The following MAGED2 variants were observed in gnomAD, a reference collection of about 807,000 sequenced individuals.
MAGED2 encodes melanoma-associated antigen D2.
Under a neutral mutation model 41.7 loss-of-function variants are expected in MAGED2, and 6 were observed. That is an observed-to-expected ratio of 0.14 (90% confidence interval 0.08 to 0.28). MAGED2 has a LOEUF of 0.28. Among genes scored for constraint, MAGED2 ranks in the 10% least tolerant of loss-of-function variants. MAGED2 has a pLI of 1.00. For synonymous variants in MAGED2, 146 were observed against 178.2 expected (o/e 0.82, Z 1.44); for missense variants, 343 against 486.4 (o/e 0.71, Z 2.77).
chrX:54,808,414 G>C (rs1929681792), intron 1 of MAGED2: 1 of 111,730 alleles, frequency 9.0e-6, no homozygotes, highest in Non-Finnish European at 1.9e-5. Context: ...GGACGCACTC[G>C]GGAATTGTAG....
chrX:54,814,814 A>C (rs1362979243), intron 11 of MAGED2, 39 bp downstream of exon 11: 2 of 1,053,314 alleles, frequency 1.9e-6, no homozygotes, highest in Non-Finnish European at 2.7e-6. Flanking sequence ...AGTCAAGAGC[A>C]TGGGGTGCCC....
chrX:54,812,936 T>C lies in MAGED2; in HGVS notation c.1086-9T>C, dbSNP rs979134058. ...GAACATAAACCTCTCTGTCCTGTTA[T>C]TTCTCTAGGACTAAGGACTCACCCA... On this transcript the variant is annotated splice_polypyrimidine_tract_variant and intron_variant, in intron 7 of 12. Transcript: ENST00000375068. The C allele has an allele frequency of 8.4e-7, 1 of 1,190,576 alleles. No homozygotes were observed.
chrX:54,809,626 G>A, intron 2 of MAGED2, 96 bp from the exon 3 acceptor site: 1 of 1,135,160 alleles, frequency 8.8e-7, no homozygotes, highest in Non-Finnish European at 1.2e-6. Context: ...GTAGGAGTCA[G>A]TACAGGTCAG....
intron 7 of MAGED2, 77 bp downstream of exon 7, chrX:54,812,328 C>A (rs1297231980): frequency 1.2e-5 from 7 of 606,930 alleles, no homozygotes; most frequent in Admixed American, 6.4e-5. Flanking sequence ...GTCCTACTTC[C>A]CCCATCCTCT....
At chrX:54,814,829 C>T in intron 11 of MAGED2, 54 bp downstream of exon 11, 2 of 906,576 alleles carry the variant, frequency 2.2e-6, no homozygotes, top group East Asian at 3.1e-5. Context: ...GTGCCCCTGG[C>T]TGGGGCAGGC....
At position 54,815,949 on chromosome X, in the gene MAGED2, A is replaced by T. The variant is rs1929958122; in HGVS notation, c.*77A>T. 3.2e-6 allele frequency: 1 copy of T among 316,699 alleles called. No individual in the cohort carries two copies. Among genetic ancestry groups the T allele is most frequent in the South Asian group, 1.1e-4 (1 of 9,171 alleles). 26.1% of individuals were successfully genotyped at this position (316,699 alleles called of 1,213,427 possible). On this transcript the variant is annotated 3_prime_UTR_variant, in exon 13 of 13. Transcript: ENST00000375068. Reference sequence around the variant, plus strand: ...TCCTCAGAAACCTACTCAACACAGCACTCTAGGCAGCCACTATCAATCAAT... The same window carrying T: ...TCCTCAGAAACCTACTCAACACAGCTCTCTAGGCAGCCACTATCAATCAAT...
At chrX:54,814,501 CTA>C in intron 10 of MAGED2, 158 bp from the exon 11 acceptor site, 1 of 553,862 alleles carries the variant, frequency 1.8e-6, no homozygotes, top group Non-Finnish European at 3.3e-6. Context: ...CCCAACACCT[CTA>C]TGTGGCTTCT....
At chrX:54,808,986 G>A (rs1929707709) in intron 1 of MAGED2, 1 of 309,053 alleles carries the variant, frequency 3.2e-6, no homozygotes, top group African/African-American at 2.7e-5. Flanking sequence ...CTGGGAAAGC[G>A]GGCGGGGCTG....
At chrX:54,814,200 ACACT>A (rs1445638347) in intron 10 of MAGED2, among the ~76,000 whole-genome samples, 1 of 112,538 alleles carries the variant, frequency 8.9e-6, no homozygotes, top group South Asian at 3.6e-4. Flanking sequence ...GGACATGCAA[ACACT>A]CACACAGCCA....
intron 1 of MAGED2, among the ~76,000 whole-genome samples, chrX:54,808,631 G>C (rs1438389465): frequency 9.0e-6 from 1 of 111,049 alleles, no homozygotes; most frequent in African/African-American, 3.3e-5. Flanking sequence ...GGTGTAATAG[G>C]GAAGGGGCGG....
At chrX:54,814,217 C>T (rs1052101244) in intron 10 of MAGED2, among the ~76,000 whole-genome samples, 5 of 112,360 alleles carry the variant, frequency 4.4e-5, no homozygotes, top group Non-Finnish European at 9.4e-5. Flanking sequence ...CACAGCCACA[C>T]GCATGTGCAC....
intron 10 of MAGED2, among the ~76,000 whole-genome samples, chrX:54,813,926 C>A (rs1209965980): frequency 8.9e-6 from 1 of 112,506 alleles, no homozygotes; most frequent in Non-Finnish European, 1.9e-5. Context: ...ATTCTGCTAA[C>A]TAGAGCTTCA....
Position 54,812,161 on chromosome X carries a change from T to A in MAGED2, c.995T>A (p.Phe332Tyr). 8.6e-7 allele frequency: 1 copy of A among 1,166,359 alleles called. No homozygotes were observed. The highest frequency in any genetic ancestry group is 1.2e-6 in the Non-Finnish European group (1 of 855,628). Residue 332 changes from phenylalanine to tyrosine, a missense_variant, in exon 7 of 13, where the codon TTT becomes TAT. Around this residue, in one of 3 missense-constraint regions of MAGED2, gnomAD observed 95 missense variants for 204.8 expected, o/e 0.46. Coordinates refer to ENST00000375068, the MANE Select transcript of MAGED2 (RefSeq NM_177433.3). Reference protein sequence around the residue: ...ERAGYSLEKVFGIQLKEIDKN... With the variant: ...ERAGYSLEKVYGIQLKEIDKN... ...AGCTGTTCTCCCCATCCACAGGTAT[T>A]TGGGATTCAATTGAAGGAAATTGAT...
At position 54,812,250 on chromosome X, in the gene MAGED2, A is replaced by T; in HGVS notation, c.1084A>T (p.Thr362Ser). 1 of 1,171,111 alleles carries T rather than the reference A, an allele frequency of 8.5e-7. No individual in the cohort carries two copies. The highest frequency in any genetic ancestry group is 1.9e-5 in the South Asian group (1 of 53,206). The change falls in exon 7 of 13, where the codon ACG (threonine) becomes TCG (serine). Residue 362 changes from threonine to serine, a missense_variant and splice_region_variant. Thr to Ser is a moderately conservative substitution (Grantham distance 58). This residue lies in a region of MAGED2 where 95 missense variants were observed against 204.8 expected (regional missense o/e 0.46). Coordinates refer to ENST00000375068, the MANE Select transcript of MAGED2 (RefSeq NM_177433.3). ...GCCCACTGATGCAGGCATACTGGGA[A>T]CGTAAGCTGGGAAAGGGCTGAGGTG... The part of the protein sequence containing the change: ...LEPTDAGILG[T>S]TKDSPKLGLL...
rs780707837 is a variant in MAGED2, at chrX:54,811,012, C to T, written c.729C>T (p.Leu243=). The T allele has an allele frequency of 2.5e-6, 3 of 1,200,743 alleles. No homozygotes were observed. The highest frequency in any genetic ancestry group is 3.4e-6 in the Non-Finnish European group (3 of 889,504). Residue 243 remains leucine, a synonymous_variant, in exon 4 of 13, where the codon CTC becomes CTT. Coordinates refer to ENST00000375068, the MANE Select transcript of MAGED2 (RefSeq NM_177433.3). ...RLAAWARRAL[L]SLRSPKARRG... is the part of the protein sequence containing the mutation. ...CTGCTTGGGCCCGGAGAGCCTTGCT[C>T]TCCCTGAGATCACCTAAAGCCCGTA... is the stretch of plus-strand genomic sequence containing the variant.
intron 1 of MAGED2, among the ~76,000 whole-genome samples, chrX:54,808,112 G>T (rs144084956): frequency 9.0e-6 from 1 of 111,124 alleles, no homozygotes; most frequent in Non-Finnish European, 1.9e-5. Context: ...CGGGGATGCA[G>T]AGAGGGATTA....
intron 6 of MAGED2, 80 bp downstream of exon 6, chrX:54,811,733 C>G (rs1929812975): frequency 2.8e-6 from 2 of 705,294 alleles, no homozygotes; most frequent in Admixed American, 5.2e-5. Flanking sequence ...TTCTCGGGAA[C>G]CAAAGAGACC....
At chrX:54,811,155 G>C (rs370697611) in intron 4 of MAGED2, 26 bp downstream of exon 4, 16 of 1,193,519 alleles carry the variant, frequency 1.3e-5, no homozygotes, top group Non-Finnish European at 1.8e-5. Flanking sequence ...TTTTTATTCT[G>C]CCTTTTCTAC....
intron 1 of MAGED2, among the ~76,000 whole-genome samples, 180 bp downstream of exon 1, chrX:54,807,982 G>A (rs1009746619): frequency 1.8e-5 from 2 of 109,050 alleles, no homozygotes; most frequent in African/African-American, 6.7e-5. Flanking sequence ...CAGACTGGGA[G>A]CAGAGACTAG....
Sources: gnomAD v4.1 joint callset for allele counts (sites outside exome capture counted in the v4.1 genomes callset) on GRCh38, gnomAD v4.1.1 for gene constraint, gnomAD v4.1.1 regional missense constraint, MANE v1.5 for transcripts, NCBI Gene and HGNC (gene_info 2026-07-23, HGNC 2026-07-21) for gene names.